Variants in TMEM178B observed in about 807,000 individuals in gnomAD.
The protein encoded by TMEM178B is transmembrane protein 178B.
TMEM178B carries 5 observed loss-of-function variants against 31.0 expected under a neutral mutation model. That is an observed-to-expected ratio of 0.16 (90% confidence interval 0.08 to 0.34). The LOEUF (loss-of-function observed/expected upper bound fraction) is 0.34. Ranked by LOEUF, TMEM178B falls within the 10% of genes least tolerant of loss-of-function variation. TMEM178B has a pLI of 1.00. For missense variants in TMEM178B, 275 were observed against 400.3 expected (o/e 0.69, Z 2.67); for synonymous variants, 164 against 164.0 (o/e 1.00, Z 0.00).
At chr7:141,157,227 T>A (rs1274751986) in intron 1 of TMEM178B, among the ~76,000 whole-genome samples, 1 of 152,114 alleles carries the variant, frequency 6.6e-6, no homozygotes, top group African/African-American at 2.4e-5. Context: ...TGGTGCAAAC[T>A]ACCAAGTCTC....
intron 1 of TMEM178B, among the ~76,000 whole-genome samples, chr7:141,096,555 T>A (rs754444259): frequency 6.6e-6 from 1 of 152,202 alleles, no homozygotes; most frequent in Non-Finnish European, 1.5e-5. Context: ...AATAATCTTC[T>A]GGAGCTTCTG....
At chr7:141,350,677 G>C (rs940163548) in intron 2 of TMEM178B, among the ~76,000 whole-genome samples, 1 of 152,090 alleles carries the variant, frequency 6.6e-6, no homozygotes, top group Non-Finnish European at 1.5e-5. Context: ...TGTTTACCAG[G>C]TTAAATTTTT....
rs377497126 is a variant in TMEM178B, at chr7:141,263,497, AG to A, written c.496+50795del. ...AGGACCTCTCCCATATTGTACATGGAGGTCAGAGGACAGAGTGAAGGCTGGG... is the reference window on the plus strand; with the variant it reads ...AGGACCTCTCCCATATTGTACATGGAGTCAGAGGACAGAGTGAAGGCTGGG... On this transcript the variant is annotated intron_variant, in intron 2 of 3. Coordinates refer to ENST00000565468, the MANE Select transcript of TMEM178B (RefSeq NM_001195278.2). Among the ~76,000 whole-genome samples the A allele has an allele frequency of 1.5e-3, 228 of 152,316 alleles. 1 individual carries two copies. Among genetic ancestry groups the A allele is most frequent in the African/African-American group, 5.0e-3 (209 of 41,578 alleles).
intron 1 of TMEM178B, among the ~76,000 whole-genome samples, chr7:141,138,590 T>TC (rs1160710770): frequency 1.3e-5 from 2 of 151,968 alleles, no homozygotes; most frequent in Admixed American, 1.3e-4. Context: ...GAATGTGAAC[T>TC]TAATGCTGGA....
chr7:141,125,781 A>G (rs763133370), intron 1 of TMEM178B, among the ~76,000 whole-genome samples: 1 of 152,226 alleles, frequency 6.6e-6, no homozygotes, highest in Non-Finnish European at 1.5e-5. Context: ...TTTTAATTGC[A>G]GTTGGCATTT....
At chr7:141,179,973 C>T (rs1180850684) in intron 1 of TMEM178B, among the ~76,000 whole-genome samples, 2 of 152,240 alleles carry the variant, frequency 1.3e-5, no homozygotes, top group Non-Finnish European at 2.9e-5. Context: ...GTGCCCCATG[C>T]TCCCAAACCA....
At chr7:141,203,173 T>C (rs1326606718) in intron 1 of TMEM178B, among the ~76,000 whole-genome samples, 1 of 152,266 alleles carries the variant, frequency 6.6e-6, no homozygotes, top group Non-Finnish European at 1.5e-5. Context: ...GAAAATGCTC[T>C]TTAAAGAGGA....
the TMEM178B span, among the ~76,000 whole-genome samples, chr7:141,507,480 C>T: frequency 2.7e-4 from 41 of 152,336 alleles, 1 homozygote; most frequent in Admixed American, 1.5e-3. Flanking sequence ...TCAAATGATG[C>T]TCCTGCCTCA....
At chr7:141,314,535 C>G (rs1345248497) in intron 2 of TMEM178B, among the ~76,000 whole-genome samples, 1 of 152,152 alleles carries the variant, frequency 6.6e-6, no homozygotes, top group Non-Finnish European at 1.5e-5. Context: ...CTTTCTGGCC[C>G]CTGTGGTCTA....
At chr7:141,139,130 A>G (rs562741229) in intron 1 of TMEM178B, among the ~76,000 whole-genome samples, 20 of 152,356 alleles carry the variant, frequency 1.3e-4, no homozygotes, top group Non-Finnish European at 2.4e-4. Context: ...TCTTTTAGAC[A>G]TAATCTTCAA....
downstream of TMEM178B, among the ~76,000 whole-genome samples, chr7:141,484,451 A>AT (rs1802524901): frequency 1.3e-5 from 2 of 152,226 alleles, no homozygotes; most frequent in Admixed American, 1.3e-4. The surrounding 1 kb of genome is among the most constrained non-coding windows in gnomAD (Gnocchi z 4.8). Context: ...CGAAATCTTC[A>AT]TTTTAACATG....
intron 2 of TMEM178B, among the ~76,000 whole-genome samples, chr7:141,369,579 C>T (rs543114120): frequency 6.6e-6 from 1 of 152,220 alleles, no homozygotes; most frequent in African/African-American, 2.4e-5. Flanking sequence ...TGCTTTTTCC[C>T]TGAGCAAGAA....
intron 2 of TMEM178B, among the ~76,000 whole-genome samples, chr7:141,236,283 T>C (rs1797525618): frequency 6.6e-6 from 1 of 152,052 alleles, no homozygotes; most frequent in South Asian, 2.1e-4. Context: ...GTTACAGAGA[T>C]TCGGCGCAGA....
At chr7:141,113,896 A>T (rs957186535) in intron 1 of TMEM178B, among the ~76,000 whole-genome samples, 21 of 152,196 alleles carry the variant, frequency 1.4e-4, no homozygotes, top group African/African-American at 5.1e-4. Flanking sequence ...CAGACAGGGG[A>T]GAAGGTTATT....
intron 2 of TMEM178B, among the ~76,000 whole-genome samples, chr7:141,295,001 C>A (rs1798607092): frequency 6.6e-6 from 1 of 152,150 alleles, no homozygotes. Context: ...TGTTTTAATA[C>A]CACTAGATAG....
intron 2 of TMEM178B, among the ~76,000 whole-genome samples, chr7:141,260,411 A>T (rs202220832): frequency 5.9e-5 from 9 of 151,740 alleles, no homozygotes; most frequent in East Asian, 3.9e-4. Context: ...AACTTTTTAT[A>T]TTTTTTTTTG....
chr7:141,454,546 TTCTCTCCTC>T (rs57233428), intron 3 of TMEM178B, among the ~76,000 whole-genome samples: 9,817 of 111,616 alleles, frequency 0.088, 1,141 homozygotes, highest in African/African-American at 0.23. Context: ...TCCTCTCCTC[TTCTCTCCTC>T]TCTCTCCTCT....
intron 2 of TMEM178B, 74 bp from the exon 3 acceptor site, chr7:141,437,534 C>A: frequency 7.3e-6 from 11 of 1,512,980 alleles, no homozygotes; most frequent in Non-Finnish European, 8.8e-6. Context: ...CTGCACCCAC[C>A]CCAGGGCTGG....
At chr7:141,151,823 G>A (rs560276225) in intron 1 of TMEM178B, among the ~76,000 whole-genome samples, 3 of 152,294 alleles carry the variant, frequency 2.0e-5, no homozygotes, top group African/African-American at 7.2e-5. Flanking sequence ...ACATGTAGGG[G>A]GTGTGAGTCA....
Sources: allele counts gnomAD v4.1 joint callset (sites outside exome capture counted in the v4.1 genomes callset), GRCh38; gene constraint gnomAD v4.1.1; non-coding constraint Gnocchi (gnomAD v3.1); transcripts MANE v1.5; gene names NCBI Gene and HGNC (gene_info 2026-07-23, HGNC 2026-07-21).